Variants in KIAA1210 observed in about 807,000 individuals in gnomAD.
KIAA1210 encodes acrosomal protein KIAA1210.
Under a neutral mutation model 78.9 loss-of-function variants are expected in KIAA1210, and 48 were observed. The observed-to-expected ratio is 0.61, with a 90% CI of 0.48 to 0.77. The LOEUF (loss-of-function observed/expected upper bound fraction) is 0.77. KIAA1210 is among the 30% of genes least tolerant of loss of function. The probability of loss-of-function intolerance (pLI) is 0.00; values close to 1 mark genes in which losing one functional copy is unlikely to be tolerated. For missense variants in KIAA1210, 1,108 were observed against 1,100.0 expected (o/e 1.01, Z -0.10); for synonymous variants, 406 against 404.5 (o/e 1.00, Z -0.04).
At chrX:119,105,843 A>G (rs6603476) in intron 5 of KIAA1210, among the ~76,000 whole-genome samples, 5,495 of 111,771 alleles carry the variant, frequency 0.049, 362 homozygotes, top group African/African-American at 0.17. Context: ...TGACTTTGAG[A>G]CACTGGTCCC....
intron 1 of KIAA1210, among the ~76,000 whole-genome samples, chrX:119,148,498 T>G (rs187306962): frequency 8.9e-6 from 1 of 112,222 alleles, no homozygotes; most frequent in Admixed American, 9.5e-5. Context: ...TCTATACTTG[T>G]GCAATATGGT....
intron 3 of KIAA1210, among the ~76,000 whole-genome samples, chrX:119,111,831 G>A (rs985223868): frequency 9.0e-6 from 1 of 111,558 alleles, no homozygotes; most frequent in Non-Finnish European, 1.9e-5. Context: ...AAAAACATAG[G>A]AGTAAATCTT....
rs750103983 is a variant in KIAA1210 at position 119,109,062 on chromosome X, G to A, written c.357+14C>T. ...GTAGTCCAATTAGACACTGATGCTC[G>A]AGTCCACTATTACCTGCTGAGGTCT... is the stretch of plus-strand genomic sequence containing the variant. On this transcript the variant is annotated intron_variant, in intron 4 of 11. Transcript: ENST00000691062. The A allele has an allele frequency of 3.7e-5, 45 of 1,205,937 alleles. No individual in the cohort carries two copies. Among genetic ancestry groups the A allele is most frequent in the East Asian group, 5.9e-5 (2 of 33,702 alleles).
chrX:119,114,343 C>T (rs942105152), intron 3 of KIAA1210, among the ~76,000 whole-genome samples: 8 of 111,964 alleles, frequency 7.1e-5, no homozygotes, highest in African/African-American at 2.3e-4. Context: ...CTTACCTTTT[C>T]CCTATAAAAC....
intron 2 of KIAA1210, among the ~76,000 whole-genome samples, chrX:119,138,055 C>T (rs1376712918): frequency 3.6e-5 from 4 of 110,383 alleles, no homozygotes; most frequent in Non-Finnish European, 5.7e-5. Context: ...TGAAGGGGAA[C>T]AACATAGGAG....
chrX:119,132,904 G>T (rs1352565849), intron 2 of KIAA1210, among the ~76,000 whole-genome samples: 2 of 111,951 alleles, frequency 1.8e-5, no homozygotes. Context: ...CCAAAGTGCT[G>T]GGATTACAGG....
Position 119,109,061 on chromosome X carries a change from C to A in KIAA1210, c.357+15G>T. On this transcript the variant is annotated intron_variant, in intron 4 of 11. Transcript: ENST00000691062. ...AGTAGTCCAATTAGACACTGATGCT[C>A]GAGTCCACTATTACCTGCTGAGGTC... 1 of 1,207,807 alleles carries A rather than the reference C, an allele frequency of 8.3e-7. No individual in the cohort carries two copies. The highest frequency in any genetic ancestry group is 1.8e-5 in the South Asian group (1 of 56,554).
intron 6 of KIAA1210, 136 bp from the exon 7 acceptor site, chrX:119,096,827 G>T (rs1172291386): frequency 2.2e-6 from 1 of 453,340 alleles, no homozygotes. Context: ...TACATTTCCT[G>T]TCAATGGGCT....
At chrX:119,109,663 GC>G (rs1159703782) in intron 3 of KIAA1210, among the ~76,000 whole-genome samples, 1 of 111,542 alleles carries the variant, frequency 9.0e-6, no homozygotes, top group Non-Finnish European at 1.9e-5. Flanking sequence ...GGGAGGAAAG[GC>G]CATGAGTTTT....
chrX:119,145,985 A>G (rs1243310982), intron 2 of KIAA1210, among the ~76,000 whole-genome samples: 2 of 112,528 alleles, frequency 1.8e-5, no homozygotes, highest in African/African-American at 6.5e-5. Context: ...GATTGGTTTA[A>G]AAAGCTAAAA....
Position 119,081,116 on chromosome X carries a change from A to C in KIAA1210, c.*213T>G. The C allele has an allele frequency of 3.6e-6, 1 of 274,539 alleles. No homozygotes were observed. The highest frequency in any genetic ancestry group is 6.3e-6 in the Non-Finnish European group (1 of 158,726). The allele number at this position is 274,539 out of a possible 1,213,427, so 22.6% of individuals were successfully genotyped here. ...GTCTCTACTAAAAATACGAAAACAAAATTAGCCGGGCGTGATGGCGGGCGC... is the reference window on the plus strand; with the variant it reads ...GTCTCTACTAAAAATACGAAAACAACATTAGCCGGGCGTGATGGCGGGCGC... On this transcript the variant is annotated 3_prime_UTR_variant, in exon 12 of 12. Coordinates refer to ENST00000691062, the MANE Select transcript of KIAA1210 (RefSeq NM_001394962.1).
chrX:119,115,290 G>A (rs1023648991), intron 3 of KIAA1210, among the ~76,000 whole-genome samples: 1 of 110,474 alleles, frequency 9.1e-6, no homozygotes, highest in Non-Finnish European at 1.9e-5. Flanking sequence ...GGAAAGGAAG[G>A]AACAAGTAAA....
At position 119,088,614 on chromosome X, in the gene KIAA1210, G is replaced by T; in HGVS notation, c.2088C>A (p.Asp696Glu). ...CCTGAGCAGGGTGTCTGAGAGGCAG[G>T]TCTTCCTCTGAGCTGCTGCAATCAT... ...TSDDCSSSEEDLPLRHPAQAL... is the reference protein window; with the variant it reads ...TSDDCSSSEEELPLRHPAQAL... Residue 696 changes from aspartate to glutamate, a missense_variant, in exon 9 of 12, where the codon GAC (aspartate) becomes GAA (glutamate). This residue lies in a region of KIAA1210 where 672 missense variants were observed against 607.1 expected (regional missense o/e 1.11). Transcript: ENST00000691062. 3 of 1,211,422 alleles carry T rather than the reference G, an allele frequency of 2.5e-6. No individual in the cohort carries two copies. Among genetic ancestry groups the T allele is most frequent in the Non-Finnish European group, 3.4e-6 (3 of 895,289 alleles).
At chrX:119,112,589 G>T (rs1028311593) in intron 3 of KIAA1210, among the ~76,000 whole-genome samples, 16 of 112,082 alleles carry the variant, frequency 1.4e-4, no homozygotes, top group African/African-American at 5.2e-4. Context: ...TCACCAGTTG[G>T]CAGGGAAATA....
In KIAA1210 at chrX:119,087,835, A is replaced by G. The variant is rs767673449; in HGVS notation, c.2867T>C (p.Val956Ala). 5 of 1,210,052 alleles carry G rather than the reference A, an allele frequency of 4.1e-6. No homozygotes were observed. Among genetic ancestry groups the G allele is most frequent in the Middle Eastern group, 2.3e-4 (1 of 4,373 alleles). Reference sequence around the variant, plus strand: ...CTCGAAATTTGAGGACAGTTGCTGGACTTTATTTCCCACAGTCAACTGGGA... The same window carrying G: ...CTCGAAATTTGAGGACAGTTGCTGGGCTTTATTTCCCACAGTCAACTGGGA... ...HLSQLTVGNK[V>A]QQLSSNFERA... Residue 956 changes from valine to alanine, a missense_variant, in exon 9 of 12, where the codon GTC becomes GCC. Coordinates refer to ENST00000691062, the MANE Select transcript of KIAA1210 (RefSeq NM_001394962.1).
chrX:119,087,821 A>T lies in KIAA1210; in HGVS notation c.2881T>A (p.Ser961Thr). 1 of 1,211,696 alleles carries T rather than the reference A, an allele frequency of 8.3e-7. No homozygotes were observed. Residue 961 changes from serine (S) to threonine (T), a missense_variant, in exon 9 of 12, where the codon TCA becomes ACA. By Grantham distance (58) the Ser-to-Thr change is moderately conservative (BLOSUM62 1). Around this residue, in one of 5 missense-constraint regions of KIAA1210, gnomAD observed 179 missense variants for 174.1 expected, o/e 1.03. Coordinates refer to ENST00000691062, the MANE Select transcript of KIAA1210 (RefSeq NM_001394962.1). ...TVGNKVQQLSSNFERAAIEAD... is the reference protein window; with the variant it reads ...TVGNKVQQLSTNFERAAIEAD... ...TCAATAGCAGCCCGCTCGAAATTTG[A>T]GGACAGTTGCTGGACTTTATTTCCC...
Position 119,087,560 on chromosome X carries a change from G to C in KIAA1210, c.3142C>G (p.Leu1048Val). Residue 1048 changes from leucine (L) to valine (V), a missense_variant, in exon 9 of 12, where the codon CTT (leucine) becomes GTT (valine). Transcript: ENST00000691062. Reference sequence around the variant, plus strand: ...GGCTTTGATAAAGATTTGGAAGGAAGATTGGGAGGCAGAGGTGCCACATCA... The same window carrying C: ...GGCTTTGATAAAGATTTGGAAGGAACATTGGGAGGCAGAGGTGCCACATCA... The part of the protein sequence containing the change: ...GSDVAPLPPN[L>V]PSKSLSKPEV... 1 of 1,211,602 alleles carries C rather than the reference G, an allele frequency of 8.3e-7. No individual in the cohort carries two copies. Among genetic ancestry groups the C allele is most frequent in the East Asian group, 3.0e-5 (1 of 33,857 alleles).
intron 2 of KIAA1210, among the ~76,000 whole-genome samples, chrX:119,118,644 G>T (rs1046774194): frequency 8.9e-6 from 1 of 112,066 alleles, no homozygotes; most frequent in Non-Finnish European, 1.9e-5. Context: ...CCAGGGTAAA[G>T]GTTCCTAAAC....
chrX:119,134,575 C>G (rs752694078), intron 2 of KIAA1210, among the ~76,000 whole-genome samples: 1 of 112,259 alleles, frequency 8.9e-6, no homozygotes, highest in African/African-American at 3.2e-5. Flanking sequence ...GATCATCAAA[C>G]AGATGCCCAA....
Sources: allele counts gnomAD v4.1 joint callset (sites outside exome capture counted in the v4.1 genomes callset), GRCh38; gene constraint gnomAD v4.1.1; regional missense constraint gnomAD v4.1.1; transcripts MANE v1.5; gene names NCBI Gene and HGNC (gene_info 2026-07-23, HGNC 2026-07-21).